Variants in GPS1 observed in about 807,000 individuals in gnomAD.
GPS1 encodes the protein COP9 signalosome complex subunit 1.
GPS1 carries 11 observed loss-of-function variants against 60.0 expected under a neutral mutation model. The ratio of observed to expected loss-of-function variants is 0.18; its 90% CI spans 0.12 to 0.30. The LOEUF is 0.30. Among genes scored for constraint, GPS1 ranks in the 10% least tolerant of loss-of-function variants. The probability of loss-of-function intolerance (pLI) is 1.00; values close to 1 mark genes in which losing one functional copy is unlikely to be tolerated. For missense variants in GPS1, 543 were observed against 669.2 expected, an observed-to-expected ratio of 0.81 and a Z score of 2.08; for synonymous variants, 343 against 269.8, an observed-to-expected ratio of 1.27 and a Z score of -2.66.
intron 1 of GPS1, 63 bp from the exon 2 acceptor site, chr17:82,053,211 G>T: frequency 7.5e-7 from 1 of 1,328,398 alleles, no homozygotes; most frequent in Non-Finnish European, 1.0e-6. Context: ...GAACAGTGCG[G>T]GTCTCTCGCC....
upstream of GPS1, chr17:82,051,184 G>C: frequency 7.7e-7 from 1 of 1,305,872 alleles, no homozygotes; most frequent in Non-Finnish European, 9.8e-7. This position sits in a 1 kb window ranked among gnomAD's most constrained non-coding sequence, Gnocchi z 4.1. Context: ...CCCGGGCCTC[G>C]GGAGCCTGGG....
In GPS1 at chr17:82,056,746, C is replaced by A; in HGVS notation, c.1234C>A (p.Arg412Ser). Residue 412 changes from arginine (R) to serine (S), a missense_variant, in exon 11 of 13, where the codon CGT becomes AGT. Coordinates refer to ENST00000578552, the MANE Select transcript of GPS1 (RefSeq NM_001321092.3). ...QLILEGLISARVDSHSKILYA... is the reference protein window; with the variant it reads ...QLILEGLISASVDSHSKILYA... ...AATCCTGGAGGGGCTGATCAGTGCC[C>A]GTGTGGACTCACACAGCAAGGTGGC... 1 of 1,589,032 alleles carries A rather than the reference C, an allele frequency of 6.3e-7. No individual in the cohort carries two copies. The highest frequency in any genetic ancestry group is 2.2e-5 in the East Asian group (1 of 44,548).
intron 6 of GPS1, 78 bp downstream of exon 6, chr17:82,055,300 TC>T: frequency 1.4e-6 from 2 of 1,406,692 alleles, no homozygotes; most frequent in East Asian, 5.0e-5. Flanking sequence ...AGTAGGCTGG[TC>T]CCTGCCTCAG....
In GPS1 at chr17:82,051,940, G is replaced by A; in HGVS notation, c.9G>A (p.Leu3=). The A allele has an allele frequency of 8.6e-7, 1 of 1,165,780 alleles. No individual in the cohort carries two copies. Among genetic ancestry groups the A allele is most frequent in the South Asian group, 4.0e-5 (1 of 25,056 alleles). 72.2% of individuals were successfully genotyped at this position (1,165,780 alleles called of 1,614,324 possible). MP[L]PVQVFNLQGA... ...GGCGGGGTGGGTGCAAGATGCCGCT[G>A]CCGGTTCAGGTGTTTAACTTGCAGG... Residue 3 remains leucine, a synonymous_variant, in exon 1 of 13, where the codon CTG becomes CTA. Transcript: ENST00000578552. This position sits in a 1 kb window ranked among gnomAD's most constrained non-coding sequence, Gnocchi z 4.1.
chr17:82,057,122 A>T lies in GPS1; in HGVS notation c.1459A>T (p.Met487Leu). 6.4e-7 allele frequency: 1 copy of T among 1,570,578 alleles called. No individual in the cohort carries two copies. Among genetic ancestry groups the T allele is most frequent in the Non-Finnish European group, 8.6e-7 (1 of 1,156,296 alleles). ...ANSQSRMSTN[M>L] Reference sequence around the variant, plus strand: ...CAGCCAGTCCCGGATGAGCACCAACATGTGAGGGGTGAACCTTGGCCTCCA... The same window carrying T: ...CAGCCAGTCCCGGATGAGCACCAACTTGTGAGGGGTGAACCTTGGCCTCCA... The change falls in exon 13 of 13, where the codon ATG (methionine) becomes TTG (leucine). Residue 487 changes from methionine to leucine, a missense_variant. Met to Leu is a conservative substitution (Grantham distance 15). Around this residue, in one of 3 missense-constraint regions of GPS1, gnomAD observed 291 missense variants for 353.7 expected, o/e 0.82. Coordinates refer to ENST00000578552, the MANE Select transcript of GPS1 (RefSeq NM_001321092.3).
intron 6 of GPS1, chr17:82,055,442 C>T (rs1176791113): frequency 1.6e-5 from 10 of 625,182 alleles, no homozygotes; most frequent in East Asian, 8.2e-5. Flanking sequence ...TCACTGTGGG[C>T]GTGAGGCAGG....
chr17:82,051,309 G>A (rs2030529780), upstream of GPS1: 1 of 1,435,848 alleles, frequency 7.0e-7, no homozygotes, highest in South Asian at 1.7e-5. This position sits in a 1 kb window ranked among gnomAD's most constrained non-coding sequence, Gnocchi z 4.1. Flanking sequence ...TGGAGCTCGA[G>A]CTCAGGGTCG....
chr17:82,052,586 G>A, intron 1 of GPS1: 4 of 1,199,058 alleles, frequency 3.3e-6, no homozygotes, highest in Non-Finnish European at 3.4e-6. Flanking sequence ...CGCAGGAGGG[G>A]AGGGAGCCCC....
chr17:82,055,708 C>T (rs1448528085), intron 6 of GPS1, 32 bp from the exon 7 acceptor site: 2 of 1,204,278 alleles, frequency 1.7e-6, no homozygotes, highest in African/African-American at 1.5e-5. Flanking sequence ...TACCCCCTCT[C>T]CCCCCTCCCC....
In GPS1 at chr17:82,053,375, C is replaced by A. The variant is rs201879685; in HGVS notation, c.126+9C>A. 60 of 1,467,662 alleles carry A rather than the reference C, an allele frequency of 4.1e-5. No homozygotes were observed. The highest frequency in any genetic ancestry group is 1.1e-4 in the Admixed American group (4 of 36,688). The allele number at this position is 1,467,662 out of a possible 1,614,324, so 90.9% of individuals were successfully genotyped here. A position where few individuals can be genotyped will look rare whatever the true frequency, so the allele number is the denominator to read the frequency against. On this transcript the variant is annotated intron_variant, in intron 2 of 12. Coordinates refer to ENST00000578552, the MANE Select transcript of GPS1 (RefSeq NM_001321092.3). ...TGGAGAACCCCAGCCTGGTACGGAG[C>A]CCAGTGGGGGGACCTTGGGTGTCTC... is the stretch of plus-strand genomic sequence containing the variant.
At chr17:82,055,615 G>C in intron 6 of GPS1, 125 bp from the exon 7 acceptor site, 1 of 674,294 alleles carries the variant, frequency 1.5e-6, no homozygotes, top group Non-Finnish European at 2.6e-6. Flanking sequence ...CAGCTCCCGG[G>C]GCAGGAGAGG....
chr17:82,053,751 A>G (rs2031753964), intron 2 of GPS1, 117 bp from the exon 3 acceptor site: 4 of 1,019,568 alleles, frequency 3.9e-6, no homozygotes, highest in Non-Finnish European at 5.6e-6. Flanking sequence ...GGTTCTGGTT[A>G]TGGGCCCAGG....
chr17:82,053,982 T>C lies in GPS1; in HGVS notation c.241T>C (p.Phe81Leu). The change falls in exon 3 of 13, where the codon TTC becomes CTC. Residue 81 changes from phenylalanine to leucine, a missense_variant. Phe to Leu is a conservative substitution (Grantham distance 22). Transcript: ENST00000578552. Reference protein sequence around the residue: ...RVEALKMALSFVQRTFNVDMY... With the variant: ...RVEALKMALSLVQRTFNVDMY... ...GGAGGCCCTGAAGATGGCCCTCTCC[T>C]TCGTGCAGAGAACCTTTAACGTGGA... The C allele has an allele frequency of 6.2e-7, 1 of 1,612,936 alleles. No individual in the cohort carries two copies. Among genetic ancestry groups the C allele is most frequent in the Non-Finnish European group, 8.5e-7 (1 of 1,179,880 alleles).
chr17:82,053,856 G>C lies in GPS1; in HGVS notation c.127-12G>C. 6.2e-7 allele frequency: 1 copy of C among 1,601,058 alleles called. No homozygotes were observed. Among genetic ancestry groups the C allele is most frequent in the Non-Finnish European group, 8.5e-7 (1 of 1,174,110 alleles). On this transcript the variant is annotated splice_polypyrimidine_tract_variant and intron_variant, in intron 2 of 12. Coordinates refer to ENST00000578552, the MANE Select transcript of GPS1 (RefSeq NM_001321092.3). ...CCCATCCTGCCTGACTCTTGTCTGTGCCTGCTCCCAGGATCTGGAACAGTA... is the reference window on the plus strand; with the variant it reads ...CCCATCCTGCCTGACTCTTGTCTGTCCCTGCTCCCAGGATCTGGAACAGTA...
At chr17:82,051,238 G>A (rs926075234), upstream of GPS1, 25 of 1,326,558 alleles carry the variant, frequency 1.9e-5, no homozygotes, top group African/African-American at 2.9e-4. The surrounding 1 kb of genome is among the most constrained non-coding windows in gnomAD (Gnocchi z 4.1). Flanking sequence ...TGGCTTCGGA[G>A]CGAGAAAGGC....
In GPS1 at chr17:82,054,691, C is replaced by T. The variant is rs2032087965; in HGVS notation, c.490C>T (p.Leu164=). 1 of 1,612,086 alleles carries T rather than the reference C, an allele frequency of 6.2e-7. No individual in the cohort carries two copies. The highest frequency in any genetic ancestry group is 8.5e-7 in the Non-Finnish European group (1 of 1,179,950). ...KESIRRGHDD[L]GDHYLDCGDL... The stretch of plus-strand genomic sequence containing the variant: ...GAGCATCCGGCGCGGCCACGACGAC[C>T]TGGGCGACCACTACCTGGACTGTGG... Residue 164 remains leucine (L), a synonymous_variant, in exon 4 of 13, where the codon CTG becomes TTG. Transcript: ENST00000578552.
chr17:82,051,882 G>T, upstream of GPS1: 1 of 1,156,490 alleles, frequency 8.6e-7, no homozygotes, highest in Non-Finnish European at 1.1e-6. This position sits in a 1 kb window ranked among gnomAD's most constrained non-coding sequence, Gnocchi z 4.1. Flanking sequence ...GGAAGCGACG[G>T]CTTCGCTGCC....
chr17:82,051,849 G>T, upstream of GPS1: 1 of 1,147,650 alleles, frequency 8.7e-7, no homozygotes, highest in African/African-American at 1.6e-5. This position sits in a 1 kb window ranked among gnomAD's most constrained non-coding sequence, Gnocchi z 4.1. Flanking sequence ...AGAACGCAGC[G>T]GCCCCGCCCC....
intron 6 of GPS1, 109 bp from the exon 7 acceptor site, chr17:82,055,631 G>A (rs1228971678): frequency 1.2e-5 from 9 of 728,184 alleles, no homozygotes; most frequent in South Asian, 8.3e-5. Flanking sequence ...AGAGGCCAGC[G>A]AGCCGGCTGG....
Sources: gnomAD v4.1 joint callset for allele counts on GRCh38, gnomAD v4.1.1 for gene constraint, gnomAD v4.1.1 regional missense constraint, Gnocchi (gnomAD v3.1) non-coding constraint, MANE v1.5 for transcripts, NCBI Gene and HGNC (gene_info 2026-07-23, HGNC 2026-07-21) for gene names.